ZBTB44: variants seen among roughly 807,000 people sequenced by gnomAD.
ZBTB44 encodes zinc finger and BTB domain-containing protein 44.
In ZBTB44, 15 loss-of-function variants were observed where a neutral mutation model predicts 54.0. That is an observed-to-expected ratio of 0.28 (90% CI 0.19 to 0.43). ZBTB44 has a LOEUF of 0.43. Ranked by LOEUF, ZBTB44 falls within the 20% of genes least tolerant of loss-of-function variation. The pLI, the probability that ZBTB44 is intolerant of heterozygous loss-of-function variation, is 1.00. For synonymous variants in ZBTB44, 230 were observed against 250.1 expected, an observed-to-expected ratio of 0.92 and a Z score of 0.76; for missense variants, 487 against 707.1, an observed-to-expected ratio of 0.69 and a Z score of 3.53.
chr11:130,285,710 C>T, intron 1 of ZBTB44: 1 of 260,950 alleles, frequency 3.8e-6, no homozygotes, highest in Middle Eastern at 1.8e-3. Context: ...GTCCTCACCT[C>T]TCCAGTTCTT....
At chr11:130,283,035 CTTTTT>C (rs531030883) in intron 1 of ZBTB44, among the ~76,000 whole-genome samples, 1,173 of 102,352 alleles carry the variant, frequency 0.011, 8 homozygotes, top group African/African-American at 0.043. Context: ...CCATTCTAAC[CTTTTT>C]TTTTTTTTTT....
chr11:130,248,709 A>C (rs991013838), intron 2 of ZBTB44, among the ~76,000 whole-genome samples: 1 of 152,218 alleles, frequency 6.6e-6, no homozygotes, highest in Admixed American at 6.5e-5. Flanking sequence ...GATTCAGAGC[A>C]GTTCCCATGT....
intron 1 of ZBTB44, among the ~76,000 whole-genome samples, chr11:130,290,484 C>G (rs1424258348): frequency 6.6e-6 from 1 of 152,234 alleles, no homozygotes; most frequent in Non-Finnish European, 1.5e-5. Flanking sequence ...AGACCTATCT[C>G]AAATCCATCC....
At chr11:130,237,576 T>C (rs1954160208) in intron 4 of ZBTB44, among the ~76,000 whole-genome samples, 1 of 152,228 alleles carries the variant, frequency 6.6e-6, no homozygotes. Flanking sequence ...GACAGAACCA[T>C]CATTTGATAT....
chr11:130,250,187 G>C (rs11222012), intron 2 of ZBTB44, among the ~76,000 whole-genome samples: 84,778 of 151,836 alleles, frequency 0.56, 27,168 homozygotes, highest in South Asian at 0.69. Flanking sequence ...GTGTGGCACA[G>C]TGGCTATGGC....
chr11:130,294,072 T>C (rs895750043), intron 1 of ZBTB44, among the ~76,000 whole-genome samples: 5 of 152,170 alleles, frequency 3.3e-5, no homozygotes, highest in African/African-American at 9.7e-5. Flanking sequence ...CAAGTGTCAC[T>C]ATCTCACTCT....
chr11:130,265,125 G>T (rs1435172106), intron 1 of ZBTB44, among the ~76,000 whole-genome samples: 2 of 152,052 alleles, frequency 1.3e-5, no homozygotes, highest in East Asian at 3.9e-4. Context: ...TCCTCCTCAG[G>T]TCTCCATATT....
At chr11:130,287,934 CAT>C (rs905830585) in intron 1 of ZBTB44, among the ~76,000 whole-genome samples, 8 of 139,300 alleles carry the variant, frequency 5.7e-5, no homozygotes, top group African/African-American at 2.2e-4. Context: ...TTTAAGACAA[CAT>C]AGTTTTCAAG....
intron 2 of ZBTB44, among the ~76,000 whole-genome samples, chr11:130,248,118 T>C (rs1218471814): frequency 6.6e-6 from 1 of 152,220 alleles, no homozygotes; most frequent in Non-Finnish European, 1.5e-5. Flanking sequence ...AAAGACAAGA[T>C]ACCTCTCAGA....
At position 130,254,877 on chromosome 11, in the gene ZBTB44, T is replaced by C. The variant is rs1168871468; in HGVS notation, c.1018+5979A>G. Among the ~76,000 whole-genome samples the C allele has an allele frequency of 3.3e-5, 5 of 152,254 alleles. No homozygotes were observed. The East Asian group carries it at 7.7e-4, about 24-fold the overall frequency. On this transcript the variant is annotated intron_variant, in intron 2 of 7. Transcript: ENST00000357899. ...AAGAAAATGTGGCACATATACACCA[T>C]GGAATACCATGCAGCCATAAAAAAG...
intron 1 of ZBTB44, among the ~76,000 whole-genome samples, chr11:130,281,038 C>A (rs1940461153): frequency 6.6e-6 from 1 of 152,078 alleles, no homozygotes; most frequent in Non-Finnish European, 1.5e-5. Context: ...ACACTTCTAA[C>A]AATCCATAAA....
At chr11:130,247,731 A>G (rs764044806) in intron 2 of ZBTB44, among the ~76,000 whole-genome samples, 1 of 152,230 alleles carries the variant, frequency 6.6e-6, no homozygotes, top group African/African-American at 2.4e-5. Flanking sequence ...TGGTAAAAAC[A>G]TAAGCCAGTG....
chr11:130,281,496 G>A (rs1940498063), intron 1 of ZBTB44, among the ~76,000 whole-genome samples: 1 of 148,408 alleles, frequency 6.7e-6, no homozygotes, highest in Admixed American at 6.7e-5. Context: ...CTCTAGCCTG[G>A]GCAACAGAGA....
At chr11:130,285,336 G>C (rs1211281289) in intron 1 of ZBTB44, 1 of 147,570 alleles carries the variant, frequency 6.8e-6, no homozygotes, top group Non-Finnish European at 1.5e-5. Flanking sequence ...TCGTTGGCCA[G>C]GCTGGAATGC....
intron 1 of ZBTB44, among the ~76,000 whole-genome samples, chr11:130,310,882 A>T (rs955575627): frequency 2.6e-5 from 4 of 152,156 alleles, no homozygotes; most frequent in African/African-American, 4.8e-5. Flanking sequence ...GACTACAGGC[A>T]TGTGCCACCA....
chr11:130,283,492 C>A (rs753865112), intron 1 of ZBTB44, among the ~76,000 whole-genome samples: 2 of 152,098 alleles, frequency 1.3e-5, no homozygotes, highest in African/African-American at 2.4e-5. Context: ...AAGCAAAGCG[C>A]ACCAGACTTT....
intron 1 of ZBTB44, among the ~76,000 whole-genome samples, chr11:130,306,284 C>T (rs1351653922): frequency 6.6e-6 from 1 of 152,034 alleles, no homozygotes; most frequent in Non-Finnish European, 1.5e-5. Context: ...GGGCGGATCA[C>T]CTGAGGTCGG....
At chr11:130,302,239 T>C (rs1290812517) in intron 1 of ZBTB44, among the ~76,000 whole-genome samples, 1 of 152,016 alleles carries the variant, frequency 6.6e-6, no homozygotes, top group Non-Finnish European at 1.5e-5. Flanking sequence ...ATAGACAAGT[T>C]AAGGAACTAG....
At chr11:130,237,143 GTCATAAACCCTACAAATT>G in intron 4 of ZBTB44, 50 bp from the exon 5 acceptor site, 1 of 1,412,832 alleles carries the variant, frequency 7.1e-7, no homozygotes. Context: ...AAACTGAAAA[GTCATAAACCCTACAAATT>G]TCTGAACTAT....
Sources: allele counts gnomAD v4.1 joint callset (sites outside exome capture counted in the v4.1 genomes callset), GRCh38; gene constraint gnomAD v4.1.1; transcripts MANE v1.5; gene names NCBI Gene and HGNC (gene_info 2026-07-23, HGNC 2026-07-21).